HOMER2: variants seen among roughly 807,000 people sequenced by gnomAD.
HOMER2 encodes homer protein homolog 2.
A neutral mutation model predicts 47.0 loss-of-function variants in HOMER2; 27 were observed. That is an observed-to-expected ratio of 0.57 (90% CI 0.42 to 0.79). The LOEUF is 0.79. Ranked by LOEUF, HOMER2 falls within the 30% of genes least tolerant of loss-of-function variation. HOMER2 has a pLI of 0.00. For missense variants in HOMER2, 443 were observed against 435.0 expected, an observed-to-expected ratio of 1.02 and a Z score of -0.16; for synonymous variants, 161 against 163.8, an observed-to-expected ratio of 0.98 and a Z score of 0.13.
intron 1 of HOMER2, among the ~76,000 whole-genome samples, chr15:82,911,295 T>G (rs1474119101): frequency 8.5e-5 from 13 of 152,204 alleles, no homozygotes; most frequent in Admixed American, 7.9e-4. Context: ...TTTCCTTTAC[T>G]TGCAAATTAG....
intron 3 of HOMER2, among the ~76,000 whole-genome samples, chr15:82,871,014 C>G (rs1025901667): frequency 1.3e-5 from 2 of 152,258 alleles, no homozygotes; most frequent in African/African-American, 4.8e-5. Flanking sequence ...GTTCCTCCTT[C>G]TGTCTCCTTT....
At chr15:82,866,019 G>A (rs2151638543) in intron 3 of HOMER2, among the ~76,000 whole-genome samples, 1 of 152,326 alleles carries the variant, frequency 6.6e-6, no homozygotes, top group East Asian at 1.9e-4. Context: ...GGAGCTGTGA[G>A]AAGAGGGCCA....
At chr15:82,945,470 C>G (rs1165352511) in intron 1 of HOMER2, among the ~76,000 whole-genome samples, 2 of 152,032 alleles carry the variant, frequency 1.3e-5, no homozygotes, top group Non-Finnish European at 2.9e-5. Flanking sequence ...AGACATACAT[C>G]TAGACACACA....
chr15:82,874,871 C>T (rs895308211), intron 3 of HOMER2, among the ~76,000 whole-genome samples: 3 of 152,296 alleles, frequency 2.0e-5, no homozygotes, highest in East Asian at 1.9e-4. Context: ...AACAACCCTC[C>T]GATAACTGTG....
In HOMER2 at chr15:82,875,418, G is replaced by GC; in HGVS notation, c.163-15dup. On this transcript the variant is annotated splice_polypyrimidine_tract_variant and intron_variant, in intron 2 of 8. Coordinates refer to ENST00000450735, the MANE Select transcript of HOMER2 (RefSeq NM_004839.4). The stretch of plus-strand genomic sequence containing the variant: ...GTTTATGATCACCTGCAGAAAAACA[G>GC]CCCAAAGAGTGAAAATTTAAATGTT... The GC allele has an allele frequency of 6.2e-7, 1 of 1,613,020 alleles. No homozygotes were observed. The highest frequency in any genetic ancestry group is 8.5e-7 in the Non-Finnish European group (1 of 1,179,330).
chr15:82,970,885 G>A (rs2029961709), intron 1 of HOMER2, among the ~76,000 whole-genome samples: 2 of 152,144 alleles, frequency 1.3e-5, no homozygotes, highest in African/African-American at 4.8e-5. Flanking sequence ...AGATAAATAA[G>A]CCTTATCGCT....
chr15:82,880,793 G>T (rs140765487), intron 2 of HOMER2, among the ~76,000 whole-genome samples: 1 of 152,116 alleles, frequency 6.6e-6, no homozygotes, highest in Admixed American at 6.6e-5. Flanking sequence ...GTCATCTGGT[G>T]GAAGAAAAGA....
exon 2 of HOMER2, chr15:82,843,760 A>C (rs527620398): frequency 2.0e-5 from 3 of 152,094 alleles, no homozygotes; most frequent in African/African-American, 7.2e-5. Flanking sequence ...AGCAGTACAC[A>C]CTCACACACT....
intron 3 of HOMER2, among the ~76,000 whole-genome samples, chr15:82,871,007 C>T (rs567316087): frequency 1.3e-5 from 2 of 152,322 alleles, no homozygotes; most frequent in East Asian, 3.9e-4. Flanking sequence ...TATATTTGTT[C>T]CTCCTTCTGT....
At chr15:82,916,655 G>T (rs925247714) in intron 1 of HOMER2, among the ~76,000 whole-genome samples, 2 of 152,084 alleles carry the variant, frequency 1.3e-5, no homozygotes, top group African/African-American at 4.8e-5. Flanking sequence ...GTCGGCAGAG[G>T]GGGAGAGGTT....
intron 1 of HOMER2, among the ~76,000 whole-genome samples, chr15:82,924,213 T>A (rs2053802455): frequency 6.6e-6 from 1 of 152,154 alleles, no homozygotes; most frequent in African/African-American, 2.4e-5. Flanking sequence ...GCTGTGTGGG[T>A]AACGGGTTAA....
At chr15:82,967,173 GGAGT>G (rs1175886265) in intron 1 of HOMER2, among the ~76,000 whole-genome samples, 4 of 152,046 alleles carry the variant, frequency 2.6e-5, no homozygotes, top group Non-Finnish European at 5.9e-5. Context: ...ACTGAGCCCA[GGAGT>G]TAGTTCAAGG....
At chr15:82,936,838 C>T (rs2151208519) in intron 1 of HOMER2, among the ~76,000 whole-genome samples, 1 of 152,082 alleles carries the variant, frequency 6.6e-6, no homozygotes, top group African/African-American at 2.4e-5. Flanking sequence ...GAGGTGTGAG[C>T]CACCATGCCT....
intron 4 of HOMER2, among the ~76,000 whole-genome samples, chr15:82,862,031 T>C (rs1446534548): frequency 6.6e-6 from 1 of 151,828 alleles, no homozygotes; most frequent in Non-Finnish European, 1.5e-5. Flanking sequence ...AGATTGAGTC[T>C]CTGTCTTAAA....
upstream of HOMER2, among the ~76,000 whole-genome samples, chr15:82,954,457 C>A (rs552295940): frequency 2.5e-3 from 357 of 142,650 alleles, 2 homozygotes; most frequent in African/African-American, 7.4e-3. Flanking sequence ...GCCACCACGC[C>A]CAGTTTTTTT....
At chr15:82,876,726 T>G (rs1179622015) in intron 2 of HOMER2, among the ~76,000 whole-genome samples, 1 of 152,238 alleles carries the variant, frequency 6.6e-6, no homozygotes, top group Non-Finnish European at 1.5e-5. Flanking sequence ...AATGGTCAAC[T>G]CAGAACACTT....
At chr15:82,890,487 ACT>A (rs924897679) in intron 2 of HOMER2, among the ~76,000 whole-genome samples, 19 of 151,796 alleles carry the variant, frequency 1.3e-4, no homozygotes, top group African/African-American at 4.6e-4. Flanking sequence ...TAGCTTGATG[ACT>A]CTCCCACACT....
rs981152455 is a variant in HOMER2 at position 82,913,152 on chromosome 15, G to A, written c.6-20311C>T. ...AGTGGGCAGGCCATATTTCAAAGAC[G>A]ACGAAGATGTCATACTGGACTCTGC... is the stretch of plus-strand genomic sequence containing the variant. On this transcript the variant is annotated intron_variant, in intron 1 of 8. Transcript: ENST00000450735. This position sits in a 1 kb window ranked among gnomAD's most constrained non-coding sequence, Gnocchi z 4.1. Among the ~76,000 whole-genome samples the A allele has an allele frequency of 2.6e-5, 4 of 152,132 alleles. No homozygotes were observed. The highest frequency in any genetic ancestry group is 2.6e-4 in the Admixed American group (4 of 15,268).
intron 1 of HOMER2, among the ~76,000 whole-genome samples, chr15:82,905,907 A>G (rs939503707): frequency 6.6e-6 from 1 of 152,244 alleles, no homozygotes; most frequent in African/African-American, 2.4e-5. Context: ...AGGTAGCATA[A>G]AAACTTTTTT....
Sources: allele counts gnomAD v4.1 joint callset (sites outside exome capture counted in the v4.1 genomes callset), GRCh38; gene constraint gnomAD v4.1.1; non-coding constraint Gnocchi (gnomAD v3.1); transcripts MANE v1.5; gene names NCBI Gene and HGNC (gene_info 2026-07-23, HGNC 2026-07-21).